The following EFCAB8 variants were observed in gnomAD, a reference collection of about 807,000 sequenced individuals.
The protein encoded by EFCAB8 is EF-hand calcium binding domain 8, also known as EF-hand calcium-binding domain-containing protein 8.
EFCAB8 carries 100 observed loss-of-function variants against 116.3 expected under a neutral mutation model. That is an observed-to-expected ratio of 0.86 (90% CI 0.73 to 1.02). The LOEUF (loss-of-function observed/expected upper bound fraction) is 1.02. EFCAB8 is among the 50% of genes least tolerant of loss of function. The pLI, the probability that EFCAB8 is intolerant of heterozygous loss-of-function variation, is 0.00. For missense variants in EFCAB8, 1,320 were observed against 1,416.9 expected (o/e 0.93, Z 1.10); for synonymous variants, 558 against 567.9 (o/e 0.98, Z 0.25).
At chr20:32,943,973 C>T (rs1021150679) in intron 23 of EFCAB8, among the ~76,000 whole-genome samples, 169 bp downstream of exon 23, 3 of 152,258 alleles carry the variant, frequency 2.0e-5, no homozygotes, top group Middle Eastern at 3.4e-3. Flanking sequence ...ATTCAGCAAA[C>T]GGTCCATCCA....
At chr20:32,949,390 G>T (rs1032967763) in intron 23 of EFCAB8, among the ~76,000 whole-genome samples, 2 of 152,160 alleles carry the variant, frequency 1.3e-5, no homozygotes, top group African/African-American at 4.8e-5. Flanking sequence ...TATCCCAGAA[G>T]AATTTTTGTA....
chr20:32,888,350 C>G (rs533290838), intron 6 of EFCAB8, among the ~76,000 whole-genome samples: 1 of 152,138 alleles, frequency 6.6e-6, no homozygotes, highest in Non-Finnish European at 1.5e-5. Flanking sequence ...CTCAGCCTCC[C>G]GAGTAGCTGG....
intron 6 of EFCAB8, among the ~76,000 whole-genome samples, chr20:32,888,397 T>C (rs987057523): frequency 1.3e-5 from 2 of 152,178 alleles, no homozygotes; most frequent in Non-Finnish European, 2.9e-5. Context: ...AGCTAACTTT[T>C]GTATTTTTAG....
rs199877116 is a variant in EFCAB8, at chr20:32,862,840, G to A, written c.-10-943G>A. Among the ~76,000 whole-genome samples the A allele has an allele frequency of 6.6e-5, 10 of 152,042 alleles. No individual in the cohort carries two copies. The East Asian group carries it at 1.9e-3, about 29-fold the overall frequency. Reference sequence around the variant, plus strand: ...GACAGGGTTTCAATATGTTGGCCAGGCTGGTCTCATTTGAACTGTTGACCT... The same window carrying A: ...GACAGGGTTTCAATATGTTGGCCAGACTGGTCTCATTTGAACTGTTGACCT... On this transcript the variant is annotated intron_variant, in intron 1 of 26. Transcript: ENST00000400522.
chr20:32,860,493 CTTTTTTTTTTTTTTTTT>C (rs71190881), intron 1 of EFCAB8, among the ~76,000 whole-genome samples: 4 of 83,994 alleles, frequency 4.8e-5, no homozygotes, highest in East Asian at 4.9e-4. Flanking sequence ...ATGGTGGTAA[CTTTTTTTTTTTTTTTTT>C]TTTTTTTTTT....
chr20:32,946,210 C>G (rs1352155941), intron 23 of EFCAB8, among the ~76,000 whole-genome samples: 1 of 152,186 alleles, frequency 6.6e-6, no homozygotes, highest in Non-Finnish European at 1.5e-5. Flanking sequence ...TAGATTCAGG[C>G]AAGACAGAAA....
chr20:32,878,081 C>A (rs1482146727), intron 4 of EFCAB8, among the ~76,000 whole-genome samples: 1 of 152,096 alleles, frequency 6.6e-6, no homozygotes, highest in Admixed American at 6.5e-5. Flanking sequence ...GCCTGGGCAA[C>A]ATGGCGAAAC....
Position 32,918,554 on chromosome 20 carries a change from GA to G in EFCAB8, c.2255del (p.Asp752AlafsTer54). On this transcript the variant is annotated frameshift_variant, in exon 19 of 27. Transcript: ENST00000400522. LOFTEE classifies it high-confidence loss of function. ...VMRCPRDKEP[D>X]RPVPQQKPSS... ...GCGGTGCCCGAGAGACAAGGAGCCA[GA>G]CAGGCCTGTGCCCCAGCAGGTGGGA... is the stretch of plus-strand genomic sequence containing the variant. The G allele has an allele frequency of 6.4e-7, 1 of 1,551,630 alleles. No homozygotes were observed. The highest frequency in any genetic ancestry group is 8.7e-7 in the Non-Finnish European group (1 of 1,146,966).
chr20:32,939,195 CTTTCTTTCCTCT>C lies in EFCAB8; in HGVS notation c.2791-4440_2791-4429del, dbSNP rs1376965881. On this transcript the variant is annotated intron_variant, in intron 22 of 26. Coordinates refer to ENST00000400522, the MANE Select transcript of EFCAB8 (RefSeq NM_001143967.2). ...TCTTTCTTTCTTTCTTTCTTTCTTT[CTTTCTTTCCTCT>C]CTCTCTCTCTCTCTCTCTCTTTCCC... Among the ~76,000 whole-genome samples the C allele has an allele frequency of 7.1e-3, 419 of 58,662 alleles. 1 individual carries two copies. The highest frequency in any genetic ancestry group is 0.013 in the Middle Eastern group (1 of 80). The allele number at this position is 58,662 out of a possible 152,430, so 38.5% of individuals were successfully genotyped here.
chr20:32,923,373 C>G (rs1052818285), intron 20 of EFCAB8, among the ~76,000 whole-genome samples: 1 of 151,934 alleles, frequency 6.6e-6, no homozygotes, highest in Non-Finnish European at 1.5e-5. Context: ...GTAGTCCCAG[C>G]TAGTCGGGAG....
At chr20:32,940,679 G>A (rs573992236) in intron 22 of EFCAB8, among the ~76,000 whole-genome samples, 1 of 149,968 alleles carries the variant, frequency 6.7e-6, no homozygotes, top group Non-Finnish European at 1.5e-5. Context: ...TCTGATAAGG[G>A]ACTAGTATCC....
At chr20:32,924,786 T>C (rs1168781677) in intron 20 of EFCAB8, among the ~76,000 whole-genome samples, 4 of 152,190 alleles carry the variant, frequency 2.6e-5, no homozygotes, top group African/African-American at 9.6e-5. Flanking sequence ...TGAATGTCTA[T>C]TGGTGAGATT....
chr20:32,944,356 T>C (rs959888893), intron 23 of EFCAB8, among the ~76,000 whole-genome samples: 2 of 152,112 alleles, frequency 1.3e-5, no homozygotes, highest in African/African-American at 4.8e-5. Flanking sequence ...TCCCAGCTAC[T>C]TGAGAGGCTG....
chr20:32,891,102 T>G (rs1330236125), intron 7 of EFCAB8, among the ~76,000 whole-genome samples: 2 of 152,172 alleles, frequency 1.3e-5, no homozygotes, highest in African/African-American at 4.8e-5. Context: ...AATTTGGTGT[T>G]AAAACCCCAT....
Position 32,931,177 on chromosome 20 carries a change from G to A in EFCAB8, c.2632-1G>A, listed in dbSNP as rs1428707774. 6.5e-7 allele frequency: 1 copy of A among 1,538,848 alleles called. No homozygotes were observed. Among genetic ancestry groups the A allele is most frequent in the Non-Finnish European group, 8.8e-7 (1 of 1,140,920 alleles). On this transcript the variant is annotated splice_acceptor_variant, in intron 21 of 26. Coordinates refer to ENST00000400522, the MANE Select transcript of EFCAB8 (RefSeq NM_001143967.2). LOFTEE classifies it high-confidence loss of function. The stretch of plus-strand genomic sequence containing the variant: ...GCCACTAACCCACACTTTATGTCTA[G>A]ATCTGGGACATCAAGGATTACTGCG...
At chr20:32,883,710 A>C (rs1445854465) in intron 5 of EFCAB8, among the ~76,000 whole-genome samples, 5 of 151,024 alleles carry the variant, frequency 3.3e-5, no homozygotes, top group African/African-American at 1.2e-4. Context: ...TTTTTTTTGG[A>C]GACGGAGTCT....
At chr20:32,939,771 T>G (rs1295187771) in intron 22 of EFCAB8, among the ~76,000 whole-genome samples, 4 of 146,422 alleles carry the variant, frequency 2.7e-5, no homozygotes, top group Non-Finnish European at 6.0e-5. Flanking sequence ...CTCGGTTCAC[T>G]GCAACCTCCG....
chr20:32,959,036 C>T (rs1320357406), intron 24 of EFCAB8, among the ~76,000 whole-genome samples: 1 of 152,216 alleles, frequency 6.6e-6, no homozygotes, highest in Admixed American at 6.5e-5. Context: ...CCCACTCCAT[C>T]CACTGCATCT....
intron 23 of EFCAB8, among the ~76,000 whole-genome samples, chr20:32,952,277 A>G (rs1388351104): frequency 6.6e-6 from 1 of 152,150 alleles, no homozygotes; most frequent in African/African-American, 2.4e-5. Flanking sequence ...AAAAAGAAAA[A>G]AAAAATCAGA....
Sources: allele counts gnomAD v4.1 joint callset (sites outside exome capture counted in the v4.1 genomes callset), GRCh38; gene constraint gnomAD v4.1.1; transcripts MANE v1.5; gene names NCBI Gene and HGNC (gene_info 2026-07-23, HGNC 2026-07-21).